Variants in PPFIA2 observed in about 807,000 individuals in gnomAD.
PPFIA2 encodes liprin-alpha-2.
Under a neutral mutation model 175.5 loss-of-function variants are expected in PPFIA2, and 46 were observed. The ratio of observed to expected loss-of-function variants is 0.26; its 90% CI spans 0.21 to 0.34. The LOEUF (loss-of-function observed/expected upper bound fraction) is 0.34, where lower values mean the gene tolerates loss of function less well. Among genes scored for constraint, PPFIA2 ranks in the 10% least tolerant of loss-of-function variants. The pLI, the probability that PPFIA2 is intolerant of heterozygous loss-of-function variation, is 1.00. For synonymous variants in PPFIA2, 568 were observed against 511.4 expected (o/e 1.11, Z -1.49); for missense variants, 1,179 against 1,506.1 (o/e 0.78, Z 3.60).
At chr12:81,743,796 A>C (rs1435111102) in intron 3 of PPFIA2, among the ~76,000 whole-genome samples, 1 of 152,150 alleles carries the variant, frequency 6.6e-6, no homozygotes, top group Non-Finnish European at 1.5e-5. Flanking sequence ...GAATTTAGGC[A>C]GTGCCTTCTT....
At chr12:81,486,235 CA>C (rs201273570) in intron 4 of PPFIA2, among the ~76,000 whole-genome samples, 2,353 of 151,790 alleles carry the variant, frequency 0.016, 50 homozygotes, top group East Asian at 0.043. Flanking sequence ...AATAGTGGCA[CA>C]AAGAGTTTAA....
chr12:81,328,173 G>T (rs1335098469), intron 21 of PPFIA2, among the ~76,000 whole-genome samples: 1 of 152,110 alleles, frequency 6.6e-6, no homozygotes, highest in Non-Finnish European at 1.5e-5. Flanking sequence ...GCTGGTAAGG[G>T]TGACCTTAGC....
chr12:81,591,860 T>C (rs912104630), intron 4 of PPFIA2, among the ~76,000 whole-genome samples: 26 of 151,982 alleles, frequency 1.7e-4, no homozygotes, highest in Middle Eastern at 3.4e-3. Flanking sequence ...CAGAAAAAAA[T>C]GTGGGGTCAA....
At chr12:81,559,331 T>A in intron 4 of PPFIA2, among the ~76,000 whole-genome samples, 1 of 152,240 alleles carries the variant, frequency 6.6e-6, no homozygotes, top group East Asian at 1.9e-4. Context: ...TGTGTGTGTG[T>A]GCACATATAA....
chr12:81,369,861 A>G (rs1566502981), intron 11 of PPFIA2, among the ~76,000 whole-genome samples: 1 of 151,790 alleles, frequency 6.6e-6, no homozygotes, highest in Non-Finnish European at 1.5e-5. Flanking sequence ...AAAGAACTAC[A>G]TTGATATTTG....
intron 7 of PPFIA2, among the ~76,000 whole-genome samples, 185 bp from the exon 8 acceptor site, chr12:81,406,088 T>C (rs895489908): frequency 2.0e-5 from 3 of 152,182 alleles, no homozygotes; most frequent in Non-Finnish European, 2.9e-5. Context: ...TTTTGAACAA[T>C]ATTTACAAAA....
chr12:81,730,541 C>A (rs1356078485), intron 3 of PPFIA2, among the ~76,000 whole-genome samples: 1 of 151,480 alleles, frequency 6.6e-6, no homozygotes, highest in African/African-American at 2.4e-5. Context: ...TGGGGGAAAC[C>A]ACTCCCATGA....
intron 7 of PPFIA2, among the ~76,000 whole-genome samples, chr12:81,428,468 AT>A (rs921916626): frequency 1.3e-5 from 2 of 151,728 alleles, no homozygotes; most frequent in African/African-American, 2.4e-5. Flanking sequence ...AAACACCTTG[AT>A]TTTTTTTGTC....
intron 3 of PPFIA2, among the ~76,000 whole-genome samples, chr12:81,711,945 A>G (rs1158143677): frequency 6.6e-6 from 1 of 151,252 alleles, no homozygotes; most frequent in Non-Finnish European, 1.5e-5. Flanking sequence ...TGAAAAAAAA[A>G]ATTTCTTCAA....
intron 24 of PPFIA2, among the ~76,000 whole-genome samples, chr12:81,288,035 G>A (rs2043926858): frequency 6.6e-6 from 1 of 151,788 alleles, no homozygotes; most frequent in South Asian, 2.1e-4. Context: ...AATATCATCT[G>A]AGTCTAACAT....
intron 3 of PPFIA2, among the ~76,000 whole-genome samples, chr12:81,714,234 T>G (rs2078301952): frequency 6.6e-6 from 1 of 151,116 alleles, no homozygotes; most frequent in Non-Finnish European, 1.5e-5. Context: ...CTTTCATGCA[T>G]TCAATTCTAT....
In PPFIA2 at chr12:81,369,100, A is replaced by T; in HGVS notation, c.1350+11T>A. On this transcript the variant is annotated intron_variant, in intron 12 of 32. Coordinates refer to ENST00000549396, the MANE Select transcript of PPFIA2 (RefSeq NM_003625.5). Reference sequence around the variant, plus strand: ...CAATGATTGGGGGGTAATAGTTCTTAATATACATACTCTTTGAAGTTCTTG... The same window carrying T: ...CAATGATTGGGGGGTAATAGTTCTTTATATACATACTCTTTGAAGTTCTTG... 1 of 1,577,084 alleles carries T rather than the reference A, an allele frequency of 6.3e-7. No individual in the cohort carries two copies. The highest frequency in any genetic ancestry group is 8.7e-7 in the Non-Finnish European group (1 of 1,150,496).
chr12:81,447,645 T>A (rs2051554174), intron 5 of PPFIA2, among the ~76,000 whole-genome samples: 1 of 152,174 alleles, frequency 6.6e-6, no homozygotes, highest in Admixed American at 6.5e-5. Context: ...TTTAAACAAA[T>A]TTTTCTACCA....
chr12:81,623,369 C>A (rs1479244759), intron 4 of PPFIA2, among the ~76,000 whole-genome samples: 1 of 151,948 alleles, frequency 6.6e-6, no homozygotes, highest in African/African-American at 2.4e-5. Flanking sequence ...ATGAGAAATA[C>A]AAACTGGTAT....
intron 11 of PPFIA2, among the ~76,000 whole-genome samples, chr12:81,372,981 G>T (rs902868472): frequency 1.3e-5 from 2 of 151,436 alleles, no homozygotes; most frequent in African/African-American, 4.8e-5. Flanking sequence ...CAAGATAAGA[G>T]GAAAAAATAT....
At chr12:81,677,537 T>C (rs1198072882) in intron 3 of PPFIA2, among the ~76,000 whole-genome samples, 9 of 151,940 alleles carry the variant, frequency 5.9e-5, no homozygotes, top group Non-Finnish European at 1.2e-4. Context: ...CACCATTCTA[T>C]TCACTACCTC....
chr12:81,709,823 C>CTGAT (rs1415441243), intron 3 of PPFIA2, among the ~76,000 whole-genome samples: 1 of 151,720 alleles, frequency 6.6e-6, no homozygotes, highest in African/African-American at 2.4e-5. Flanking sequence ...TTTCACTTGC[C>CTGAT]TGATTGTTTT....
intron 4 of PPFIA2, among the ~76,000 whole-genome samples, chr12:81,645,468 C>T (rs867141537): frequency 2.0e-5 from 3 of 151,762 alleles, no homozygotes; most frequent in Non-Finnish European, 4.4e-5. Context: ...TGCACCAATA[C>T]TGAAAAAAAA....
chr12:81,572,170 G>A (rs890540593), intron 4 of PPFIA2, among the ~76,000 whole-genome samples: 1 of 151,922 alleles, frequency 6.6e-6, no homozygotes, highest in Non-Finnish European at 1.5e-5. Flanking sequence ...GCTGCTCCTT[G>A]TCTAGAGCAC....
Sources: gnomAD v4.1 joint callset for allele counts (sites outside exome capture counted in the v4.1 genomes callset) on GRCh38, gnomAD v4.1.1 for gene constraint, MANE v1.5 for transcripts, NCBI Gene and HGNC (gene_info 2026-07-23, HGNC 2026-07-21) for gene names.